The following SLC17A1 variants were observed in gnomAD, a reference collection of about 807,000 sequenced individuals.
SLC17A1 encodes solute carrier family 17 member 1.
A neutral mutation model predicts 53.5 loss-of-function variants in SLC17A1; 51 were observed. That is an observed-to-expected ratio of 0.95 (90% CI 0.76 to 1.20). The LOEUF (loss-of-function observed/expected upper bound fraction) is 1.20, where lower values mean the gene tolerates loss of function less well. Ranked by LOEUF, SLC17A1 falls within the 50% of genes most tolerant of loss-of-function variation. The pLI is 0.00. For missense variants in SLC17A1, 538 were observed against 568.2 expected, an observed-to-expected ratio of 0.95 and a Z score of 0.54; for synonymous variants, 179 against 198.8, an observed-to-expected ratio of 0.90 and a Z score of 0.84.
At chr6:25,724,891 C>CAAGGG in the SLC17A1 span, among the ~76,000 whole-genome samples, 145,420 of 152,164 alleles carry the variant, frequency 0.96, 69,669 homozygotes, top group Non-Finnish European at 0.99. Flanking sequence ...CAGGTTAATT[C>CAAGGG]ATACTTTTGT....
chr6:25,809,148 CAG>C (rs1407410787), intron 10 of SLC17A1, among the ~76,000 whole-genome samples: 10 of 151,866 alleles, frequency 6.6e-5, no homozygotes, highest in Admixed American at 6.6e-4. Context: ...AACTCAGAAA[CAG>C]AAAACCAAAT....
intron 12 of SLC17A1, among the ~76,000 whole-genome samples, chr6:25,787,467 T>A (rs900087410): frequency 3.9e-5 from 6 of 152,108 alleles, no homozygotes; most frequent in African/African-American, 1.4e-4. Flanking sequence ...CTATAAACTT[T>A]ACAAAATTAA....
chr6:25,769,559 A>AAC, the SLC17A1 span, among the ~76,000 whole-genome samples: 1 of 147,072 alleles, frequency 6.8e-6, no homozygotes. Flanking sequence ...TTCTGTCTTA[A>AAC]AAAAAAAAAA....
chr6:25,790,349 A>G lies in SLC17A1; in HGVS notation c.*3-7131T>C. Among the ~76,000 whole-genome samples the G allele has an allele frequency of 1.3e-5, 2 of 152,184 alleles. 1 individual carries two copies. The highest frequency in any genetic ancestry group is 2.9e-5 in the Non-Finnish European group (2 of 68,026). On this transcript the variant is annotated intron_variant, in intron 12 of 12. Coordinates refer to ENST00000244527, the MANE Select transcript of SLC17A1 (RefSeq NM_005074.5). ...CACTCGAAGAATTCAGTCCCAGGAAAGTTTTGCTTCCCTCAAAGCAATGTT... is the reference window on the plus strand; with the variant it reads ...CACTCGAAGAATTCAGTCCCAGGAAGGTTTTGCTTCCCTCAAAGCAATGTT...
the SLC17A1 span, among the ~76,000 whole-genome samples, chr6:25,761,406 T>C: frequency 3.3e-5 from 5 of 152,262 alleles, no homozygotes; most frequent in South Asian, 2.1e-4. Context: ...ATCACTGAAA[T>C]TGATGCTTCT....
chr6:25,817,801 C>T (rs773275891), intron 6 of SLC17A1, among the ~76,000 whole-genome samples: 6 of 152,162 alleles, frequency 3.9e-5, no homozygotes, highest in Admixed American at 2.0e-4. Context: ...TATATAAAGT[C>T]CTACAAGGTA....
At chr6:25,745,599 C>T in the SLC17A1 span, among the ~76,000 whole-genome samples, 1 of 152,158 alleles carries the variant, frequency 6.6e-6, no homozygotes, top group African/African-American at 2.4e-5. Flanking sequence ...CACTAAAAAA[C>T]ATAGAGAAAA....
chr6:25,758,401 A>G, the SLC17A1 span, among the ~76,000 whole-genome samples: 3 of 152,232 alleles, frequency 2.0e-5, no homozygotes, highest in African/African-American at 7.2e-5. Flanking sequence ...AATTCAAATT[A>G]CATTATTGTT....
At chr6:25,801,831 A>G (rs1222149743) in intron 10 of SLC17A1, among the ~76,000 whole-genome samples, 3 of 152,158 alleles carry the variant, frequency 2.0e-5, no homozygotes, top group Non-Finnish European at 4.4e-5. Context: ...TAGAGGAGTC[A>G]CATCAAGACC....
the SLC17A1 span, among the ~76,000 whole-genome samples, chr6:25,761,747 C>A: frequency 6.6e-6 from 1 of 152,100 alleles, no homozygotes; most frequent in Admixed American, 6.5e-5. Context: ...GGGTAAACTG[C>A]GACCTTTCAA....
At position 25,811,830 on chromosome 6, in the gene SLC17A1, G is replaced by C. The variant is rs1764169782; in HGVS notation, c.898-60C>G. The stretch of plus-strand genomic sequence containing the variant: ...ATGGGTAAAGCAGTACTGACACACA[G>C]AGTAATCCCTATGCTAAAATTTATT... On this transcript the variant is annotated intron_variant, in intron 8 of 12. Coordinates refer to ENST00000244527, the MANE Select transcript of SLC17A1 (RefSeq NM_005074.5). 1.9e-6 allele frequency: 3 copies of C among 1,558,670 alleles called. No individual in the cohort carries two copies. The African/African-American group carries it at 4.1e-5, about 21-fold the overall frequency.
the SLC17A1 span, among the ~76,000 whole-genome samples, chr6:25,771,591 A>G: frequency 8.0e-4 from 122 of 151,856 alleles, no homozygotes; most frequent in African/African-American, 2.9e-3. Context: ...AAAAAAAAAG[A>G]AAATGTTATT....
chr6:25,735,749 G>T, the SLC17A1 span, among the ~76,000 whole-genome samples: 1 of 152,230 alleles, frequency 6.6e-6, no homozygotes, highest in African/African-American at 2.4e-5. Flanking sequence ...TTGTTTTATT[G>T]TATGTTCTAT....
chr6:25,813,880 C>T (rs1764246165), intron 6 of SLC17A1, among the ~76,000 whole-genome samples: 1 of 152,138 alleles, frequency 6.6e-6, no homozygotes. Context: ...AGAATGGCCC[C>T]CAGCTCCATC....
At chr6:25,805,557 CACAG>C (rs1763923159) in intron 10 of SLC17A1, among the ~76,000 whole-genome samples, 1 of 151,666 alleles carries the variant, frequency 6.6e-6, no homozygotes, top group African/African-American at 2.4e-5. Flanking sequence ...TTGAAAGAAT[CACAG>C]TACAAAAGAT....
At chr6:25,784,726 G>A (rs553491992) in intron 12 of SLC17A1, among the ~76,000 whole-genome samples, 1 of 152,212 alleles carries the variant, frequency 6.6e-6, no homozygotes, top group African/African-American at 2.4e-5. Flanking sequence ...AAAGCCATAT[G>A]GCTTTTAGAG....
At chr6:25,758,018 C>T in the SLC17A1 span, among the ~76,000 whole-genome samples, 1 of 152,194 alleles carries the variant, frequency 6.6e-6, no homozygotes, top group Non-Finnish European at 1.5e-5. Context: ...CTGGTCTCCA[C>T]CTGTGCTTCT....
intron 3 of SLC17A1, among the ~76,000 whole-genome samples, chr6:25,824,649 T>A (rs551943991): frequency 1.0e-3 from 156 of 151,970 alleles, no homozygotes; most frequent in African/African-American, 3.4e-3. Context: ...ATTACAAATG[T>A]ATATTATAAA....
At chr6:25,726,672 C>T in the SLC17A1 span, 13 of 1,157,742 alleles carry the variant, frequency 1.1e-5, no homozygotes, top group Admixed American at 9.6e-5. Flanking sequence ...AGAATCGCCT[C>T]ATTTGCATTC....
Sources: gnomAD v4.1 joint callset for allele counts (sites outside exome capture counted in the v4.1 genomes callset) on GRCh38, gnomAD v4.1.1 for gene constraint, MANE v1.5 for transcripts, NCBI Gene and HGNC (gene_info 2026-07-23, HGNC 2026-07-21) for gene names.